SMPD3: variants seen among roughly 807,000 people sequenced by gnomAD.
SMPD3 encodes the protein nSMase-2.
In SMPD3, 21 loss-of-function variants were observed where a neutral mutation model predicts 55.7. The observed-to-expected ratio is 0.38, with a 90% CI of 0.27 to 0.54. The LOEUF (loss-of-function observed/expected upper bound fraction) is 0.54. Ranked by LOEUF, SMPD3 falls within the 20% of genes least tolerant of loss-of-function variation. The pLI, the probability that SMPD3 is intolerant of heterozygous loss-of-function variation, is 0.80. For missense variants in SMPD3, 842 were observed against 899.6 expected, an observed-to-expected ratio of 0.94 and a Z score of 0.82; for synonymous variants, 457 against 404.3, an observed-to-expected ratio of 1.13 and a Z score of -1.56.
chr16:68,411,843 G>A lies in SMPD3; in HGVS notation c.-268-25184C>T, dbSNP rs114228772. Among the ~76,000 whole-genome samples the A allele has an allele frequency of 3.8e-3, 585 of 152,300 alleles. 4 individuals are homozygous for A. Among genetic ancestry groups the A allele is most frequent in the African/African-American group, 0.014 (567 of 41,554 alleles). The stretch of plus-strand genomic sequence containing the variant: ...CAGTGGGACAGCATCAAAAAGTGCT[G>A]AAGACTGGGAGGAAGCTCAGAATTG... On this transcript the variant is annotated intron_variant, in intron 1 of 8. Coordinates refer to ENST00000219334, the MANE Select transcript of SMPD3 (RefSeq NM_018667.4).
intron 1 of SMPD3, among the ~76,000 whole-genome samples, chr16:68,389,038 C>T (rs573508422): frequency 6.6e-6 from 1 of 152,358 alleles, no homozygotes; most frequent in East Asian, 1.9e-4. Flanking sequence ...TCAGCATCAT[C>T]ATTCAAAACG....
intron 2 of SMPD3, among the ~76,000 whole-genome samples, chr16:68,379,491 C>T (rs2089899245): frequency 6.6e-6 from 1 of 152,244 alleles, no homozygotes; most frequent in African/African-American, 2.4e-5. Context: ...AATTCCCTTG[C>T]TGCAAAGTCC....
chr16:68,372,316 T>TGGTCAATGGCGAATGTTGGCCAGCC lies in SMPD3; in HGVS notation c.-160_-136dup. ...CCTCCTGGCGAGATGCAACTCCGGC[T>TGGTCAATGGCGAATGTTGGCCAGCC]GGTCAATGGCGAATGTTGGCCAGCC... On this transcript the variant is annotated 5_prime_UTR_variant, in exon 3 of 9. An upstream open reading frame in the 5' UTR gains an earlier in-frame stop. Coordinates refer to ENST00000219334, the MANE Select transcript of SMPD3 (RefSeq NM_018667.4). 1 of 1,186,522 alleles carries TGGTCAATGGCGAATGTTGGCCAGCC rather than the reference T, an allele frequency of 8.4e-7. No individual in the cohort carries two copies. Among genetic ancestry groups the TGGTCAATGGCGAATGTTGGCCAGCC allele is most frequent in the Non-Finnish European group, 1.2e-6 (1 of 841,166 alleles). The allele number at this position is 1,186,522 out of a possible 1,614,324, so 73.5% of individuals were successfully genotyped here. A position where few individuals can be genotyped will look rare whatever the true frequency, so the allele number is the denominator to read the frequency against.
rs777633973 is a variant in SMPD3, at chr16:68,361,594, C to T, written c.1866+9G>A. ...GCATGGCCCTGGCTGCTGGGCCCTCCTGACTCACGGCCTTCCAGTCTGGGC... is the reference window on the plus strand; with the variant it reads ...GCATGGCCCTGGCTGCTGGGCCCTCTTGACTCACGGCCTTCCAGTCTGGGC... On this transcript the variant is annotated intron_variant, in intron 8 of 8. Transcript: ENST00000219334. 82 of 1,605,808 alleles carry T rather than the reference C, an allele frequency of 5.1e-5. No individual in the cohort carries two copies. The South Asian group carries it at 8.0e-4, about 16-fold the overall frequency.
At chr16:68,373,419 T>C (rs899604201) in intron 2 of SMPD3, among the ~76,000 whole-genome samples, 1 of 152,234 alleles carries the variant, frequency 6.6e-6, no homozygotes, top group Admixed American at 6.5e-5. Flanking sequence ...GGGGAGCCTA[T>C]AGAAGCGTAA....
chr16:68,396,041 C>T (rs1463557555), intron 1 of SMPD3, among the ~76,000 whole-genome samples: 2 of 152,134 alleles, frequency 1.3e-5, no homozygotes, highest in Admixed American at 6.5e-5. Context: ...TAGTTGTCTA[C>T]TCTGTCCTTG....
rs2090099958 is a variant in SMPD3 at position 68,390,327 on chromosome 16, T to C, written c.-268-3668A>G. ...TTTCATCAGCGGAGTCTTTGTGACC[T>C]GTATCTTGTGCTGACCTCCTATCTC... On this transcript the variant is annotated intron_variant, in intron 1 of 8. Transcript: ENST00000219334. Among the ~76,000 whole-genome samples the C allele has an allele frequency of 5.3e-5, 8 of 152,226 alleles. No individual in the cohort carries two copies. In the South Asian group the frequency reaches 1.7e-3, roughly 32 times the overall value.
chr16:68,366,683 T>C (rs1358835676), intron 3 of SMPD3, among the ~76,000 whole-genome samples: 2 of 152,030 alleles, frequency 1.3e-5, no homozygotes, highest in African/African-American at 4.8e-5. Flanking sequence ...CTGGCCAACA[T>C]GATGAAACCC....
intron 1 of SMPD3, among the ~76,000 whole-genome samples, chr16:68,448,089 C>T (rs1161394954): frequency 2.0e-5 from 3 of 152,146 alleles, no homozygotes; most frequent in African/African-American, 4.8e-5. Context: ...CAAGCCTCCT[C>T]GCTCTCCCAG....
intron 2 of SMPD3, among the ~76,000 whole-genome samples, chr16:68,385,442 C>A (rs1393986397): frequency 2.0e-5 from 3 of 152,124 alleles, no homozygotes; most frequent in Non-Finnish European, 1.5e-5. Flanking sequence ...TTTTTTCAGT[C>A]CCCTGAAGGT....
chr16:68,441,070 T>C (rs116161342), intron 1 of SMPD3, among the ~76,000 whole-genome samples: 286 of 152,352 alleles, frequency 1.9e-3, no homozygotes, highest in African/African-American at 6.6e-3. Flanking sequence ...ATCTGAAAAT[T>C]GTCTGCTTGC....
intron 1 of SMPD3, among the ~76,000 whole-genome samples, chr16:68,400,763 C>G (rs2090198153): frequency 6.6e-6 from 1 of 152,214 alleles, no homozygotes. Flanking sequence ...GAACACTGCT[C>G]TGTTCAAAAC....
intron 1 of SMPD3, among the ~76,000 whole-genome samples, chr16:68,414,511 C>T (rs946525992): frequency 2.0e-5 from 3 of 152,186 alleles, no homozygotes; most frequent in Admixed American, 2.0e-4. Context: ...AGTCCTAATG[C>T]TAGGTCTGGC....
chr16:68,427,316 A>G (rs1284382079), intron 1 of SMPD3, among the ~76,000 whole-genome samples: 1 of 152,206 alleles, frequency 6.6e-6, no homozygotes, highest in Non-Finnish European at 1.5e-5. Context: ...ACTAAGGTCT[A>G]TCTGATTTCA....
At chr16:68,433,958 A>C (rs1453129449) in intron 1 of SMPD3, among the ~76,000 whole-genome samples, 1 of 152,196 alleles carries the variant, frequency 6.6e-6, no homozygotes, top group Non-Finnish European at 1.5e-5. Context: ...AAAATGCCTA[A>C]ATTTCAACCT....
chr16:68,377,995 G>A lies in SMPD3; in HGVS notation c.-206-5608C>T, dbSNP rs1281200327. Among the ~76,000 whole-genome samples the A allele has an allele frequency of 5.3e-5, 8 of 152,288 alleles. No individual in the cohort carries two copies. The East Asian group carries it at 1.5e-3, about 29-fold the overall frequency. On this transcript the variant is annotated intron_variant, in intron 2 of 8. Transcript: ENST00000219334. ...GGTTTGGGAGTTGCCCCACTTTGGC[G>A]CTAGGATGAGGCCTGTCTCCCCTCC...
At chr16:68,421,971 C>A (rs1462128308) in intron 1 of SMPD3, among the ~76,000 whole-genome samples, 1 of 152,088 alleles carries the variant, frequency 6.6e-6, no homozygotes, top group Non-Finnish European at 1.5e-5. Flanking sequence ...ATAGGCCCAA[C>A]GTAACGACAA....
At chr16:68,441,917 C>T (rs1443672027) in intron 1 of SMPD3, among the ~76,000 whole-genome samples, 3 of 152,120 alleles carry the variant, frequency 2.0e-5, no homozygotes, top group Admixed American at 1.3e-4. Flanking sequence ...AGGCATTCAC[C>T]ACCATGCCTA....
intron 2 of SMPD3, among the ~76,000 whole-genome samples, chr16:68,375,843 A>G (rs1056028614): frequency 1.3e-5 from 2 of 152,144 alleles, no homozygotes; most frequent in Non-Finnish European, 2.9e-5. Flanking sequence ...GTGGCCCAAG[A>G]TCACTCCTCT....
Sources: gnomAD v4.1 joint callset for allele counts (sites outside exome capture counted in the v4.1 genomes callset) on GRCh38, gnomAD v4.1.1 for gene constraint, MANE v1.5 for transcripts, NCBI Gene and HGNC (gene_info 2026-07-23, HGNC 2026-07-21) for gene names.